The following NKX3-2 variants were observed in gnomAD, a reference collection of about 807,000 sequenced individuals.
NKX3-2 encodes the protein NK3 homeobox 2.
In NKX3-2, 13 loss-of-function variants were observed where a neutral mutation model predicts 19.4. The ratio of observed to expected loss-of-function variants is 0.67; its 90% CI spans 0.44 to 1.07. The LOEUF (loss-of-function observed/expected upper bound fraction) is 1.07. Among genes scored for constraint, NKX3-2 ranks in the 50% least tolerant of loss-of-function variants. NKX3-2 has a pLI of 0.00. For missense variants in NKX3-2, 562 were observed against 488.2 expected (o/e 1.15, Z -1.42); for synonymous variants, 269 against 230.5 (o/e 1.17, Z -1.51).
In NKX3-2 at chr4:13,542,669, C is replaced by T; in HGVS notation, c.467-141G>A. ...CAAGCGGAGCGGAGGTCTGGGAGGC[C>T]CTGGGCCCGGGAGACCAGTCTTAGA... On this transcript the variant is annotated intron_variant, in intron 1 of 1. Coordinates refer to ENST00000382438, the MANE Select transcript of NKX3-2 (RefSeq NM_001189.4). This position sits in a 1 kb window ranked among gnomAD's most constrained non-coding sequence, Gnocchi z 6.4. 5.2e-6 allele frequency: 6 copies of T among 1,144,730 alleles called. No homozygotes were observed. The highest frequency in any genetic ancestry group is 7.6e-6 in the Non-Finnish European group (6 of 787,816). The allele number at this position is 1,144,730 out of a possible 1,614,324, so 70.9% of individuals were successfully genotyped here. A position where few individuals can be genotyped will look rare whatever the true frequency, so the allele number is the denominator to read the frequency against.
rs1184417530 is a variant in NKX3-2 at position 13,541,206 on chromosome 4, A to C, written c.*787T>G. The C allele has an allele frequency of 6.6e-6, 1 of 152,268 alleles. No homozygotes were observed. Among genetic ancestry groups the C allele is most frequent in the African/African-American group, 2.4e-5 (1 of 41,464 alleles). The allele number at this position is 152,268 out of a possible 1,614,324, so 9.4% of individuals were successfully genotyped here. ...TAACCTCCTTTACACAAATAAAAAG[A>C]AACCAAGGAAAGTTTCCGCAGAGGG... On this transcript the variant is annotated 3_prime_UTR_variant, in exon 2 of 2. Coordinates refer to ENST00000382438, the MANE Select transcript of NKX3-2 (RefSeq NM_001189.4).
In NKX3-2 at chr4:13,540,921, T is replaced by C. The variant is rs1423940348; in HGVS notation, c.*1072A>G. 1 of 152,142 alleles carries C rather than the reference T, an allele frequency of 6.6e-6. No individual in the cohort carries two copies. Among genetic ancestry groups the C allele is most frequent in the Non-Finnish European group, 1.5e-5 (1 of 68,030 alleles). The allele number at this position is 152,142 out of a possible 1,614,324, so 9.4% of individuals were successfully genotyped here. A position where few individuals can be genotyped will look rare whatever the true frequency, so the allele number is the denominator to read the frequency against. On this transcript the variant is annotated 3_prime_UTR_variant, in exon 2 of 2. Transcript: ENST00000382438. ...AATCTTTTTACAGTTAATACTCTAG[T>C]TGAGTGCACAGTGCCATTAAGGAGG...
At chr4:13,545,041 C>G (rs1718098145), upstream of NKX3-2, 1 of 152,272 alleles carries the variant, frequency 6.6e-6, no homozygotes. Flanking sequence ...ACTGTACCAC[C>G]CCCCTCCCGC....
upstream of NKX3-2, chr4:13,544,599 C>T: frequency 2.9e-6 from 1 of 341,532 alleles, no homozygotes; most frequent in Non-Finnish European, 5.1e-6. Context: ...CGACCCTCGC[C>T]CCCACCTTAG....
Position 13,543,852 on chromosome 4 carries a change from G to T in NKX3-2, c.466+97C>A. ...GATTTGGCCAGCCTCCGAGCCCCAG[G>T]GCGCAGGGTGCTCAAGCCGACCACC... On this transcript the variant is annotated intron_variant, in intron 1 of 1. Coordinates refer to ENST00000382438, the MANE Select transcript of NKX3-2 (RefSeq NM_001189.4). This position sits in a 1 kb window ranked among gnomAD's most constrained non-coding sequence, Gnocchi z 7.1. The T allele has an allele frequency of 8.8e-7, 1 of 1,140,456 alleles. No homozygotes were observed. Among genetic ancestry groups the T allele is most frequent in the Non-Finnish European group, 1.2e-6 (1 of 843,154 alleles). The allele number at this position is 1,140,456 out of a possible 1,614,324, so 70.6% of individuals were successfully genotyped here. A position where few individuals can be genotyped will look rare whatever the true frequency, so the allele number is the denominator to read the frequency against.
chr4:13,542,753 C>T lies in NKX3-2; in HGVS notation c.467-225G>A, dbSNP rs887181734. Among the ~76,000 whole-genome samples, 2 of 152,148 alleles carry T rather than the reference C, an allele frequency of 1.3e-5. No homozygotes were observed. The highest frequency in any genetic ancestry group is 2.9e-5 in the Non-Finnish European group (2 of 68,036). ...TTCTGGGGAGGGCGGCAGACTCAGC[C>T]GCTGTGTCAACGCTGTGTTGTCGAG... On this transcript the variant is annotated intron_variant, in intron 1 of 1. Transcript: ENST00000382438. This position sits in a 1 kb window ranked among gnomAD's most constrained non-coding sequence, Gnocchi z 6.4.
Position 13,542,993 on chromosome 4 carries a change from A to T in NKX3-2, c.467-465T>A, listed in dbSNP as rs1268495177. On this transcript the variant is annotated intron_variant, in intron 1 of 1. Transcript: ENST00000382438. This position sits in a 1 kb window ranked among gnomAD's most constrained non-coding sequence, Gnocchi z 6.4. Reference sequence around the variant, plus strand: ...CAGCACACACTTGTCTGGTGCAGGTAAGGGAAGGTGGAGGCGGATCCTGGG... The same window carrying T: ...CAGCACACACTTGTCTGGTGCAGGTTAGGGAAGGTGGAGGCGGATCCTGGG... 6.6e-6 allele frequency among the ~76,000 whole-genome samples: 1 copy of T among 151,942 alleles called. No individual in the cohort carries two copies. The highest frequency in any genetic ancestry group is 1.5e-5 in the Non-Finnish European group (1 of 67,980).
rs1718051108 is a variant in NKX3-2, at chr4:13,543,938, C to A, written c.466+11G>T. The A allele has an allele frequency of 1.2e-5, 19 of 1,536,182 alleles. No individual in the cohort carries two copies. Among genetic ancestry groups the A allele is most frequent in the Non-Finnish European group, 1.6e-5 (18 of 1,142,982 alleles). On this transcript the variant is annotated intron_variant, in intron 1 of 1. Transcript: ENST00000382438. The surrounding 1 kb of genome is among the most constrained non-coding windows in gnomAD (Gnocchi z 7.1). ...CAGCCCGGCCCCCATCCCCGCGAAG[C>A]CGCAGCAGACCTGAGACGCTGGCGG...
At chr4:13,546,574 T>A (rs946411962), upstream of NKX3-2, 8 of 282,296 alleles carry the variant, frequency 2.8e-5, no homozygotes, top group African/African-American at 8.8e-5. Context: ...ACTGGTTGCC[T>A]GGAAGGTAGG....
In NKX3-2 at chr4:13,542,635, G is replaced by C; in HGVS notation, c.467-107C>G. ...CGGGAGTGGGGCGGAAATACACTTT[G>C]ATCCCACTCAAGCGGAGCGGAGGTC... On this transcript the variant is annotated intron_variant, in intron 1 of 1. Transcript: ENST00000382438. This position sits in a 1 kb window ranked among gnomAD's most constrained non-coding sequence, Gnocchi z 6.4. 7.1e-7 allele frequency: 1 copy of C among 1,417,092 alleles called. No homozygotes were observed. Among genetic ancestry groups the C allele is most frequent in the Non-Finnish European group, 9.8e-7 (1 of 1,020,854 alleles). 87.8% of individuals were successfully genotyped at this position (1,417,092 alleles called of 1,614,324 possible).
upstream of NKX3-2, among the ~76,000 whole-genome samples, chr4:13,545,699 A>G (rs954743420): frequency 3.3e-5 from 5 of 152,148 alleles, no homozygotes; most frequent in African/African-American, 1.2e-4. Flanking sequence ...CCAATATTGA[A>G]TTTAATTGGA....
In NKX3-2 at chr4:13,542,592, C is replaced by T; in HGVS notation, c.467-64G>A. ...GCGCCACAGACGAGGTGAGGCCGGGCCTCAACTGCAGGGGTCACGGGAGTG... is the reference window on the plus strand; with the variant it reads ...GCGCCACAGACGAGGTGAGGCCGGGTCTCAACTGCAGGGGTCACGGGAGTG... On this transcript the variant is annotated intron_variant, in intron 1 of 1. Coordinates refer to ENST00000382438, the MANE Select transcript of NKX3-2 (RefSeq NM_001189.4). The surrounding 1 kb of genome is among the most constrained non-coding windows in gnomAD (Gnocchi z 6.4). 2 of 1,580,302 alleles carry T rather than the reference C, an allele frequency of 1.3e-6. No homozygotes were observed. The highest frequency in any genetic ancestry group is 2.2e-5 in the East Asian group (1 of 44,738).
Position 13,541,842 on chromosome 4 carries a change from G to C in NKX3-2, c.*151C>G. 1 of 1,242,316 alleles carries C rather than the reference G, an allele frequency of 8.0e-7. No homozygotes were observed. The highest frequency in any genetic ancestry group is 1.5e-5 in the South Asian group (1 of 66,054). 77.0% of individuals were successfully genotyped at this position (1,242,316 alleles called of 1,614,324 possible). A position where few individuals can be genotyped will look rare whatever the true frequency, so the allele number is the denominator to read the frequency against. On this transcript the variant is annotated 3_prime_UTR_variant, in exon 2 of 2. Coordinates refer to ENST00000382438, the MANE Select transcript of NKX3-2 (RefSeq NM_001189.4). The stretch of plus-strand genomic sequence containing the variant: ...AGGGCAGACTCAGCCCAGCTGCCAG[G>C]GGACAAGTCCTGGCTAACGGGAGCT...
In NKX3-2 at chr4:13,542,174, G is replaced by T; in HGVS notation, c.821C>A (p.Ala274Glu). ...TACGGCCACCTTCTTGGCGGCGGGC[G>T]CCGAGGCCAGCAGGTCGGCTGCCAT... The part of the protein sequence containing the change: ...RQMAADLLAS[A>E]PAAKKVAVKV... The change falls in exon 2 of 2, where the codon GCG (alanine) becomes GAG (glutamate). Residue 274 changes from alanine to glutamate, a missense_variant. Ala to Glu is a moderately radical substitution (Grantham distance 107, BLOSUM62 -1). Transcript: ENST00000382438. The surrounding 1 kb of genome is among the most constrained non-coding windows in gnomAD (Gnocchi z 6.4). 1 of 1,607,714 alleles carries T rather than the reference G, an allele frequency of 6.2e-7. No individual in the cohort carries two copies. The highest frequency in any genetic ancestry group is 1.1e-5 in the South Asian group (1 of 90,272).
In NKX3-2 at chr4:13,543,921, C is replaced by T; in HGVS notation, c.466+28G>A. Reference sequence around the variant, plus strand: ...CTCCGCGTCCATCCCCTCAGCCCGGCCCCCATCCCCGCGAAGCCGCAGCAG... The same window carrying T: ...CTCCGCGTCCATCCCCTCAGCCCGGTCCCCATCCCCGCGAAGCCGCAGCAG... On this transcript the variant is annotated intron_variant, in intron 1 of 1. Coordinates refer to ENST00000382438, the MANE Select transcript of NKX3-2 (RefSeq NM_001189.4). This position sits in a 1 kb window ranked among gnomAD's most constrained non-coding sequence, Gnocchi z 7.1. 6.6e-7 allele frequency: 1 copy of T among 1,525,178 alleles called. No individual in the cohort carries two copies. The highest frequency in any genetic ancestry group is 8.8e-7 in the Non-Finnish European group (1 of 1,137,396). The allele number at this position is 1,525,178 out of a possible 1,614,324, so 94.5% of individuals were successfully genotyped here. A position where few individuals can be genotyped will look rare whatever the true frequency, so the allele number is the denominator to read the frequency against.
chr4:13,542,436 T>TGCCGCCCCCGCC lies in NKX3-2; in HGVS notation c.547_558dup (p.Gly183_Gly186dup), dbSNP rs1050370585. 142 of 1,558,708 alleles carry TGCCGCCCCCGCC rather than the reference T, an allele frequency of 9.1e-5. No individual in the cohort carries two copies. Among genetic ancestry groups the TGCCGCCCCCGCC allele is most frequent in the Non-Finnish European group, 1.2e-4 (136 of 1,159,780 alleles). Reference sequence around the variant, plus strand: ...TCCTCCGCGACGCCTGCCGGCCCGCTGCCGCCCCCGCCGCCGGCCCCGCTG... The same window carrying TGCCGCCCCCGCC: ...TCCTCCGCGACGCCTGCCGGCCCGCTGCCGCCCCCGCCGCCGCCCCCGCCGCCGGCCCCGCTG... On this transcript the variant is annotated inframe_insertion, in exon 2 of 2. Transcript: ENST00000382438. This position sits in a 1 kb window ranked among gnomAD's most constrained non-coding sequence, Gnocchi z 6.4.
Position 13,544,244 on chromosome 4 carries a change from C to G in NKX3-2, c.171G>C (p.Glu57Asp), listed in dbSNP as rs749292510. 8.5e-5 allele frequency: 135 copies of G among 1,584,786 alleles called. No individual in the cohort carries two copies. The highest frequency in any genetic ancestry group is 1.1e-4 in the Non-Finnish European group (132 of 1,173,732). ...PAVCCWRLFGERDAGALGGAE... is the reference protein window; with the variant it reads ...PAVCCWRLFGDRDAGALGGAE... ...CGCCCCCCAACGCGCCCGCGTCCCT[C>G]TCCCCAAAGAGCCGCCAACAGCAGA... The change falls in exon 1 of 2, where the codon GAG becomes GAC. Residue 57 changes from glutamate to aspartate, a missense_variant. Coordinates refer to ENST00000382438, the MANE Select transcript of NKX3-2 (RefSeq NM_001189.4).
chr4:13,543,874 C>T lies in NKX3-2; in HGVS notation c.466+75G>A. The T allele has an allele frequency of 7.5e-7, 1 of 1,332,260 alleles. No individual in the cohort carries two copies. Among genetic ancestry groups the T allele is most frequent in the Non-Finnish European group, 9.9e-7 (1 of 1,007,054 alleles). 82.5% of individuals were successfully genotyped at this position (1,332,260 alleles called of 1,614,324 possible). A position where few individuals can be genotyped will look rare whatever the true frequency, so the allele number is the denominator to read the frequency against. ...CAGGGCGCAGGGTGCTCAAGCCGAC[C>T]ACCCCACTCGGCGTGGTTGCCCTCC... On this transcript the variant is annotated intron_variant, in intron 1 of 1. Coordinates refer to ENST00000382438, the MANE Select transcript of NKX3-2 (RefSeq NM_001189.4). The surrounding 1 kb of genome is among the most constrained non-coding windows in gnomAD (Gnocchi z 7.1).
rs950072887 is a variant in NKX3-2, at chr4:13,542,729, T to A, written c.467-201A>T. 2.6e-5 allele frequency among the ~76,000 whole-genome samples: 4 copies of A among 152,096 alleles called. No individual in the cohort carries two copies. The highest frequency in any genetic ancestry group is 4.4e-5 in the Non-Finnish European group (3 of 68,020). On this transcript the variant is annotated intron_variant, in intron 1 of 1. Coordinates refer to ENST00000382438, the MANE Select transcript of NKX3-2 (RefSeq NM_001189.4). This position sits in a 1 kb window ranked among gnomAD's most constrained non-coding sequence, Gnocchi z 6.4. The stretch of plus-strand genomic sequence containing the variant: ...CACTGGGTATCCCATCTAGGCCTCT[T>A]CTGGGGAGGGCGGCAGACTCAGCCG...
Sources: gnomAD v4.1 joint callset for allele counts (sites outside exome capture counted in the v4.1 genomes callset) on GRCh38, gnomAD v4.1.1 for gene constraint, Gnocchi (gnomAD v3.1) non-coding constraint, MANE v1.5 for transcripts, NCBI Gene and HGNC (gene_info 2026-07-23, HGNC 2026-07-21) for gene names.